The following TBC1D9 variants were observed in gnomAD, a reference collection of about 807,000 sequenced individuals.
TBC1D9 encodes TBC1 domain family member 9A.
Under a neutral mutation model 132.0 loss-of-function variants are expected in TBC1D9, and 63 were observed. The observed-to-expected ratio is 0.48, with a 90% CI of 0.39 to 0.59. The LOEUF is 0.59. Ranked by LOEUF, TBC1D9 falls within the 20% of genes least tolerant of loss-of-function variation. TBC1D9 has a pLI of 0.00. For synonymous variants in TBC1D9, 610 were observed against 609.9 expected, an observed-to-expected ratio of 1.00 and a Z score of 0.00; for missense variants, 1,261 against 1,592.7, an observed-to-expected ratio of 0.79 and a Z score of 3.54.
intron 13 of TBC1D9, chr4:140,643,602 T>G: frequency 2.2e-6 from 2 of 930,006 alleles, no homozygotes; most frequent in South Asian, 3.3e-5. Flanking sequence ...CAGGCCTTCC[T>G]CCGGCGCTGC....
chr4:140,720,771 T>C (rs1225782011), intron 1 of TBC1D9, among the ~76,000 whole-genome samples: 1 of 152,214 alleles, frequency 6.6e-6, no homozygotes, highest in Non-Finnish European at 1.5e-5. Flanking sequence ...TTTGAAGAGC[T>C]GGTTTCTAAG....
At chr4:140,678,917 A>G (rs763954557) in intron 5 of TBC1D9, 25 bp downstream of exon 5, 12 of 1,607,822 alleles carry the variant, frequency 7.5e-6, no homozygotes, top group Non-Finnish European at 1.0e-5. Context: ...TAAAGTCTGG[A>G]AGATACAAGG....
chr4:140,657,337 T>A, intron 12 of TBC1D9, 111 bp from the exon 13 acceptor site: 1 of 1,413,642 alleles, frequency 7.1e-7, no homozygotes, highest in South Asian at 1.4e-5. Flanking sequence ...GACTAGAGTT[T>A]CTTTAAAGAT....
intron 13 of TBC1D9, chr4:140,645,260 T>C: frequency 1.9e-6 from 1 of 528,188 alleles, no homozygotes; most frequent in Non-Finnish European, 3.8e-6. Context: ...CTCATCTGCT[T>C]GGCTGTGCTC....
intron 1 of TBC1D9, among the ~76,000 whole-genome samples, chr4:140,701,892 A>G (rs1283792224): frequency 6.6e-6 from 1 of 152,206 alleles, no homozygotes; most frequent in Non-Finnish European, 1.5e-5. Flanking sequence ...TGTTTAAAAA[A>G]TTAGTACAAT....
At chr4:140,654,400 T>C (rs1737233692) in intron 13 of TBC1D9, among the ~76,000 whole-genome samples, 1 of 142,000 alleles carries the variant, frequency 7.0e-6, no homozygotes, top group South Asian at 2.2e-4. Context: ...CTGGTACTGA[T>C]AATGCTTGGT....
At chr4:140,749,842 C>T (rs1376594462) in intron 1 of TBC1D9, among the ~76,000 whole-genome samples, 5 of 151,970 alleles carry the variant, frequency 3.3e-5, no homozygotes. Flanking sequence ...GAGACAAAAG[C>T]AATTCTGGAA....
chr4:140,642,176 C>A (rs1737011331), intron 13 of TBC1D9: 1 of 766,030 alleles, frequency 1.3e-6, no homozygotes, highest in South Asian at 1.4e-5. Context: ...GGGAAGGCAT[C>A]AGTTTGGAGC....
intron 9 of TBC1D9, 99 bp from the exon 10 acceptor site, chr4:140,662,206 C>T: frequency 6.1e-6 from 6 of 979,044 alleles, no homozygotes; most frequent in Non-Finnish European, 6.5e-6. Context: ...TTTCCTACCT[C>T]TCAAAGGAAA....
Position 140,668,986 on chromosome 4 carries a change from T to C in TBC1D9, c.1519A>G (p.Lys507Glu). ...GQGICMYRTE[K>E]TRELVLKGIP... ...CCCTTCAACACCAGCTCCCGCGTTT[T>C]CTCTGTGCGGTACATGCAGATCCCT... Residue 507 changes from lysine (K) to glutamate (E), a missense_variant, in exon 9 of 21, where the codon AAA becomes GAA. Lys to Glu is a moderately conservative substitution (Grantham distance 56, BLOSUM62 1). This residue lies in a region of TBC1D9 where 550 missense variants were observed against 699.0 expected (regional missense o/e 0.79). Coordinates refer to ENST00000442267, the MANE Select transcript of TBC1D9 (RefSeq NM_015130.3). The C allele has an allele frequency of 6.2e-7, 1 of 1,613,990 alleles. No individual in the cohort carries two copies. The highest frequency in any genetic ancestry group is 8.5e-7 in the Non-Finnish European group (1 of 1,179,886).
chr4:140,684,400 G>A (rs1737750075), intron 3 of TBC1D9, among the ~76,000 whole-genome samples: 1 of 152,098 alleles, frequency 6.6e-6, no homozygotes, highest in South Asian at 2.1e-4. Flanking sequence ...TGGTTCCCTT[G>A]ATTATTGGAC....
intron 3 of TBC1D9, among the ~76,000 whole-genome samples, chr4:140,681,938 C>T (rs1343863320): frequency 6.6e-6 from 1 of 152,174 alleles, no homozygotes; most frequent in Non-Finnish European, 1.5e-5. Flanking sequence ...CAGAAAATAG[C>T]ATGTTTATAT....
intron 16 of TBC1D9, 54 bp downstream of exon 16, chr4:140,633,894 T>C (rs760917943): frequency 3.1e-6 from 5 of 1,599,014 alleles, no homozygotes; most frequent in Admixed American, 1.7e-5. Context: ...TGGGCAACAC[T>C]AGGCACAACT....
At chr4:140,678,533 G>T (rs544879552) in intron 5 of TBC1D9, among the ~76,000 whole-genome samples, 1 of 152,234 alleles carries the variant, frequency 6.6e-6, no homozygotes, top group African/African-American at 2.4e-5. Context: ...TTTCCCTTGT[G>T]TTTCCCCCAT....
rs1398786857 is a variant in TBC1D9, at chr4:140,639,148, T to C, written c.2443A>G (p.Thr815Ala). 1 of 1,578,644 alleles carries C rather than the reference T, an allele frequency of 6.3e-7. No individual in the cohort carries two copies. ...GTAAAGGAAGTTTCTGTCACAATGG[T>C]TCGTACCTATAAAAATATTAAGCAA... ...EDTTKRNVVR[T>A]IVTETSFTID... Residue 815 changes from threonine (T) to alanine (A), a missense_variant, in exon 15 of 21, where the codon ACC (threonine) becomes GCC (alanine). By Grantham distance (58) the Thr-to-Ala change is moderately conservative. Coordinates refer to ENST00000442267, the MANE Select transcript of TBC1D9 (RefSeq NM_015130.3).
chr4:140,649,081 C>T (rs1409404565), intron 13 of TBC1D9, among the ~76,000 whole-genome samples: 1 of 152,208 alleles, frequency 6.6e-6, no homozygotes, highest in African/African-American at 2.4e-5. Flanking sequence ...CAAGGTCAAG[C>T]TCAATCAAGT....
intron 15 of TBC1D9, among the ~76,000 whole-genome samples, chr4:140,636,787 T>C (rs78282365): frequency 0.019 from 2,937 of 152,230 alleles, 89 homozygotes; most frequent in African/African-American, 0.066. Flanking sequence ...TGAGAGCCAA[T>C]TGAAGTGTTG....
intron 13 of TBC1D9, 117 bp from the exon 14 acceptor site, chr4:140,639,545 G>T: frequency 1.4e-6 from 1 of 716,262 alleles, no homozygotes; most frequent in South Asian, 1.7e-5. Flanking sequence ...CTCATATGAT[G>T]GGCATCCTAC....
At chr4:140,689,978 T>A (rs1737852340) in intron 2 of TBC1D9, among the ~76,000 whole-genome samples, 1 of 151,446 alleles carries the variant, frequency 6.6e-6, no homozygotes, top group Non-Finnish European at 1.5e-5. Flanking sequence ...AGCCTTGGCC[T>A]CCTGAAGTGC....
Sources: gnomAD v4.1 joint callset for allele counts (sites outside exome capture counted in the v4.1 genomes callset) on GRCh38, gnomAD v4.1.1 for gene constraint, gnomAD v4.1.1 regional missense constraint, MANE v1.5 for transcripts, NCBI Gene and HGNC (gene_info 2026-07-23, HGNC 2026-07-21) for gene names.